The following MACROD2 variants were observed in gnomAD, a reference collection of about 807,000 sequenced individuals.
MACROD2 encodes ADP-ribose glycohydrolase MACROD2.
A neutral mutation model predicts 70.4 loss-of-function variants in MACROD2; 36 were observed. The observed-to-expected ratio is 0.51, with a 90% CI of 0.39 to 0.68. The LOEUF (loss-of-function observed/expected upper bound fraction) is 0.68, where lower values mean the gene tolerates loss of function less well. Among genes scored for constraint, MACROD2 ranks in the 30% least tolerant of loss-of-function variants. The pLI is 0.00. For missense variants in MACROD2, 496 were observed against 538.4 expected (o/e 0.92, Z 0.78); for synonymous variants, 172 against 178.8 (o/e 0.96, Z 0.30).
intron 3 of MACROD2, among the ~76,000 whole-genome samples, chr20:14,284,878 T>G (rs955257715): frequency 1.3e-5 from 2 of 152,214 alleles, no homozygotes; most frequent in Non-Finnish European, 2.9e-5. Flanking sequence ...TAGAAATAAC[T>G]TGGTAATGTT....
intron 6 of MACROD2, among the ~76,000 whole-genome samples, chr20:15,376,911 G>T (rs1235420181): frequency 6.6e-6 from 1 of 151,894 alleles, no homozygotes; most frequent in African/African-American, 2.4e-5. Flanking sequence ...TTTATTTTAA[G>T]ACAGAGTCTC....
chr20:15,372,194 T>C (rs919628942), intron 6 of MACROD2, among the ~76,000 whole-genome samples: 1 of 152,220 alleles, frequency 6.6e-6, no homozygotes, highest in African/African-American at 2.4e-5. Context: ...GGGAACATCT[T>C]TGCACACATT....
At chr20:14,685,284 C>T (rs2123597636) in intron 5 of MACROD2, among the ~76,000 whole-genome samples, 1 of 152,222 alleles carries the variant, frequency 6.6e-6, no homozygotes, top group Middle Eastern at 3.4e-3. Flanking sequence ...TTAAGTGCCA[C>T]AGAGTGACAG....
chr20:15,643,518 G>A (rs930571967), intron 8 of MACROD2, among the ~76,000 whole-genome samples: 3 of 151,610 alleles, frequency 2.0e-5, no homozygotes, highest in Non-Finnish European at 2.9e-5. Context: ...GTCATTGCAC[G>A]TTTGTCATCA....
intron 3 of MACROD2, among the ~76,000 whole-genome samples, chr20:14,144,660 T>C (rs1601277774): frequency 6.6e-6 from 1 of 152,226 alleles, no homozygotes; most frequent in East Asian, 1.9e-4. Flanking sequence ...TTCTATAGTA[T>C]TCTTAAGCAG....
intron 2 of MACROD2, among the ~76,000 whole-genome samples, chr20:14,072,343 A>G (rs1261028989): frequency 6.6e-6 from 1 of 152,112 alleles, no homozygotes; most frequent in Non-Finnish European, 1.5e-5. Context: ...TCATTCACAG[A>G]TGGACTCTTT....
chr20:15,489,046 A>G (rs938301972), intron 7 of MACROD2, among the ~76,000 whole-genome samples: 87 of 152,240 alleles, frequency 5.7e-4, no homozygotes, highest in Admixed American at 5.5e-3. Flanking sequence ...CTTGTGTCCT[A>G]TAAAAATGCA....
At chr20:14,565,795 G>T (rs1410323546) in intron 4 of MACROD2, among the ~76,000 whole-genome samples, 1 of 151,820 alleles carries the variant, frequency 6.6e-6, no homozygotes, top group Non-Finnish European at 1.5e-5. Flanking sequence ...CTTGCTGCAT[G>T]ACCCAAGGGG....
At chr20:14,900,639 G>A (rs189598771) in intron 5 of MACROD2, among the ~76,000 whole-genome samples, 8 of 151,654 alleles carry the variant, frequency 5.3e-5, no homozygotes, top group South Asian at 4.2e-4. Flanking sequence ...TTGTTTCTGC[G>A]AGGTCAGTAG....
At chr20:14,198,614 T>C (rs1482997948) in intron 3 of MACROD2, among the ~76,000 whole-genome samples, 1 of 152,210 alleles carries the variant, frequency 6.6e-6, no homozygotes, top group Non-Finnish European at 1.5e-5. Context: ...TGTTCGCATA[T>C]ATTATGTAGT....
chr20:14,785,791 A>G (rs999824706), intron 5 of MACROD2, among the ~76,000 whole-genome samples: 3 of 152,080 alleles, frequency 2.0e-5, no homozygotes, highest in Admixed American at 6.6e-5. Flanking sequence ...GACTCCTTTT[A>G]TCATCTTTCT....
At position 14,032,280 on chromosome 20, in the gene MACROD2, T is replaced by A. The variant is rs181162528; in HGVS notation, c.163+29876T>A. Among the ~76,000 whole-genome samples the A allele has an allele frequency of 2.8e-3, 422 of 152,258 alleles. 10 individuals are homozygous for A. Among genetic ancestry groups the A allele is most frequent in the Admixed American group, 0.026 (393 of 15,286 alleles). Reference sequence around the variant, plus strand: ...AGCAAGGTTGCAGTGAATATGTTTGTTACCCTTGTGTGTATGTGTGAGGAT... The same window carrying A: ...AGCAAGGTTGCAGTGAATATGTTTGATACCCTTGTGTGTATGTGTGAGGAT... On this transcript the variant is annotated intron_variant, in intron 2 of 17. Coordinates refer to ENST00000684519, the MANE Select transcript of MACROD2 (RefSeq NM_001351661.2).
At chr20:15,842,288 G>A (rs1191762930) in intron 8 of MACROD2, among the ~76,000 whole-genome samples, 1 of 152,038 alleles carries the variant, frequency 6.6e-6, no homozygotes, top group African/African-American at 2.4e-5. Context: ...CACTGATGGA[G>A]CTGTTGGGAA....
At chr20:15,583,613 C>A (rs1259282684) in intron 8 of MACROD2, among the ~76,000 whole-genome samples, 1 of 152,064 alleles carries the variant, frequency 6.6e-6, no homozygotes, top group Non-Finnish European at 1.5e-5. Context: ...CTGTTTGCAT[C>A]CTTCATGCCA....
At chr20:14,105,001 A>T (rs2054349790) in intron 3 of MACROD2, among the ~76,000 whole-genome samples, 1 of 152,184 alleles carries the variant, frequency 6.6e-6, no homozygotes, top group Non-Finnish European at 1.5e-5. Flanking sequence ...ATAATTCATG[A>T]GGCCTAGGGG....
At chr20:15,403,069 C>T (rs1259782712) in intron 6 of MACROD2, among the ~76,000 whole-genome samples, 2 of 151,858 alleles carry the variant, frequency 1.3e-5, no homozygotes, top group Non-Finnish European at 2.9e-5. Context: ...TGGGTTCAAG[C>T]GATTCTCCTG....
At chr20:15,711,681 G>A (rs1284748205) in intron 8 of MACROD2, among the ~76,000 whole-genome samples, 2 of 152,134 alleles carry the variant, frequency 1.3e-5, no homozygotes, top group Non-Finnish European at 2.9e-5. Flanking sequence ...AAAACAGGTC[G>A]ATGCTAGTAT....
intron 2 of MACROD2, among the ~76,000 whole-genome samples, chr20:14,077,587 T>C (rs1287622409): frequency 6.6e-6 from 1 of 152,164 alleles, no homozygotes; most frequent in African/African-American, 2.4e-5. Context: ...TTTTTTACTG[T>C]TGATAAGGGA....
chr20:14,817,968 G>A (rs146796011), intron 5 of MACROD2, among the ~76,000 whole-genome samples: 17 of 152,258 alleles, frequency 1.1e-4, no homozygotes, highest in African/African-American at 3.9e-4. Context: ...GCACACTGAA[G>A]CAGTAACAGC....
Sources: gnomAD v4.1 joint callset for allele counts (sites outside exome capture counted in the v4.1 genomes callset) on GRCh38, gnomAD v4.1.1 for gene constraint, MANE v1.5 for transcripts, NCBI Gene and HGNC (gene_info 2026-07-23, HGNC 2026-07-21) for gene names.